The following DALRD3 variants were observed in gnomAD, a reference collection of about 807,000 sequenced individuals.
DALRD3 encodes the protein DALR anticodon-binding domain-containing protein 3.
In DALRD3, 47 loss-of-function variants were observed where a neutral mutation model predicts 56.7. The observed-to-expected ratio is 0.83, with a 90% CI of 0.66 to 1.06. The LOEUF (loss-of-function observed/expected upper bound fraction) is 1.06, where lower values mean the gene tolerates loss of function less well. DALRD3 is among the 50% of genes least tolerant of loss of function. The pLI, the probability that DALRD3 is intolerant of heterozygous loss-of-function variation, is 0.00. For synonymous variants in DALRD3, 347 were observed against 308.5 expected, an observed-to-expected ratio of 1.12 and a Z score of -1.31; for missense variants, 787 against 724.0, an observed-to-expected ratio of 1.09 and a Z score of -1.00.
rs916109621 is a variant in DALRD3, at chr3:49,018,394, G to A, written c.165+6C>T. 5.1e-6 allele frequency: 8 copies of A among 1,558,490 alleles called. No homozygotes were observed. The African/African-American group carries it at 5.5e-5, about 11-fold the overall frequency. ...GGCCGCACGGCCCCGCCCGGCTCAC[G>A]CCCACCTGGCCGTCATCGAAGCGCG... On this transcript the variant is annotated splice_donor_region_variant and intron_variant, in intron 1 of 11. Transcript: ENST00000341949.
rs1393235015 is a variant in DALRD3 at position 49,018,101 on chromosome 3, G to T, written c.383C>A (p.Ser128Tyr). The stretch of plus-strand genomic sequence containing the variant: ...CTGGCTCAAGCGGAGTGCGCAGGGG[G>T]AGCTGCGCAGTGCTGGGCAGTGTAG... ...VLLHCPALRS[S>Y]PCALRLSQLR... The change falls in exon 2 of 12, where the codon TCC becomes TAC. Residue 128 changes from serine to tyrosine, a missense_variant. Physicochemically the swap from Ser to Tyr is moderately radical, Grantham distance 144. Coordinates refer to ENST00000341949, the MANE Select transcript of DALRD3 (RefSeq NM_001009996.3). 2.0e-6 allele frequency: 3 copies of T among 1,485,078 alleles called. No individual in the cohort carries two copies. The highest frequency in any genetic ancestry group is 2.8e-5 in the South Asian group (2 of 72,344). The allele number at this position is 1,485,078 out of a possible 1,614,324, so 92.0% of individuals were successfully genotyped here.
chr3:49,016,904 T>C, intron 5 of DALRD3, 57 bp from the exon 6 acceptor site: 1 of 1,598,860 alleles, frequency 6.3e-7, no homozygotes, highest in Non-Finnish European at 8.6e-7. Flanking sequence ...AGGAAGTCCC[T>C]TGAGGAGCCC....
Position 49,017,816 on chromosome 3 carries a change from A to C in DALRD3, c.515T>G (p.Leu172Arg), listed in dbSNP as rs1275412978. The C allele has an allele frequency of 1.9e-6, 3 of 1,611,692 alleles. No homozygotes were observed. Among genetic ancestry groups the C allele is most frequent in the Admixed American group, 1.7e-5 (1 of 60,010 alleles). ...GGGCCAGTCCACCCGCAGTTGCTGC[A>C]GGAAGGTCAGCATGTGCGGATCCCG... is the stretch of plus-strand genomic sequence containing the variant. ...AVRDPHMLTF[L>R]QQLRVDWPAA... The change falls in exon 3 of 12, where the codon CTG (leucine) becomes CGG (arginine). Residue 172 changes from leucine (L) to arginine (R), a missense_variant. Physicochemically the swap from Leu to Arg is moderately radical, Grantham distance 102. Coordinates refer to ENST00000341949, the MANE Select transcript of DALRD3 (RefSeq NM_001009996.3).
chr3:49,019,641 G>A (rs928208814), upstream of DALRD3, among the ~76,000 whole-genome samples: 1 of 151,798 alleles, frequency 6.6e-6, no homozygotes, highest in Non-Finnish European at 1.5e-5. Context: ...CACCACGCCC[G>A]GCTACTTTTG....
chr3:49,017,884 C>T lies in DALRD3; in HGVS notation c.462-15G>A, dbSNP rs371270653. 1.9e-6 allele frequency: 3 copies of T among 1,580,430 alleles called. No homozygotes were observed. Among genetic ancestry groups the T allele is most frequent in the Non-Finnish European group, 2.6e-6 (3 of 1,171,272 alleles). On this transcript the variant is annotated splice_polypyrimidine_tract_variant and intron_variant, in intron 2 of 11. Transcript: ENST00000341949. ...GCACGCACACCCTGCGAAGGGAGGG[C>T]GGCCGCCTCAGTCTGAGCACCTGGT...
At chr3:49,016,968 G>A (rs2093087635) in intron 5 of DALRD3, 121 bp from the exon 6 acceptor site, 3 of 1,174,064 alleles carry the variant, frequency 2.6e-6, no homozygotes, top group African/African-American at 1.5e-5. Context: ...CTGCCAGGTT[G>A]AGTGCCTCCG....
At position 49,015,578 on chromosome 3, in the gene DALRD3, C is replaced by G; in HGVS notation, c.*10G>C. ...TGTGAACATTCCCAGGTATTGGAGC[C>G]TCTGTGGCCTTAAATGTGGCTCAGT... On this transcript the variant is annotated 3_prime_UTR_variant, in exon 12 of 12. Coordinates refer to ENST00000341949, the MANE Select transcript of DALRD3 (RefSeq NM_001009996.3). 6.2e-7 allele frequency: 1 copy of G among 1,613,988 alleles called. No individual in the cohort carries two copies. The highest frequency in any genetic ancestry group is 8.5e-7 in the Non-Finnish European group (1 of 1,179,946).
Position 49,015,671 on chromosome 3 carries a change from G to A in DALRD3, c.1549C>T (p.Arg517Cys), listed in dbSNP as rs140081609. 14 of 1,613,950 alleles carry A rather than the reference G, an allele frequency of 8.7e-6. No homozygotes were observed. Among genetic ancestry groups the A allele is most frequent in the Admixed American group, 5.0e-5 (3 of 59,990 alleles). Residue 517 changes from arginine to cysteine, a missense_variant, in exon 12 of 12, where the codon CGC becomes TGC. Transcript: ENST00000341949. ...CGCACAGCTCTCAGAAGCTGCAGGC[G>A]GACGAACATCTGACCAAAGAGGTGT... ...RPHLFGQMFV[R>C]LQLLRAVREV...
At chr3:49,018,912 T>G, upstream of DALRD3, 1 of 985,466 alleles carries the variant, frequency 1.0e-6, no homozygotes, top group Non-Finnish European at 1.2e-6. Flanking sequence ...TTTAATAACA[T>G]TTCATTTCTC....
chr3:49,019,479 CT>C (rs938684705), upstream of DALRD3, among the ~76,000 whole-genome samples: 368 of 134,570 alleles, frequency 2.7e-3, no homozygotes, highest in Non-Finnish European at 2.4e-3. Context: ...AATTACCAGA[CT>C]TTTTTTTTTT....
At chr3:49,016,124 C>A in intron 9 of DALRD3, 34 bp downstream of exon 9, 1 of 1,610,460 alleles carries the variant, frequency 6.2e-7, no homozygotes, top group Non-Finnish European at 8.5e-7. Context: ...GAAGTCCAGG[C>A]CTCCTTGTGC....
chr3:49,020,203 C>T (rs960897691), upstream of DALRD3: 8 of 534,592 alleles, frequency 1.5e-5, no homozygotes, highest in Admixed American at 3.9e-5. Flanking sequence ...GCCCACTCAA[C>T]GGGAGTGATC....
Position 49,016,349 on chromosome 3 carries a change from T to A in DALRD3, c.1147-9A>T, listed in dbSNP as rs765202331. 6.2e-7 allele frequency: 1 copy of A among 1,606,036 alleles called. No homozygotes were observed. Among genetic ancestry groups the A allele is most frequent in the Non-Finnish European group, 8.5e-7 (1 of 1,174,182 alleles). On this transcript the variant is annotated splice_polypyrimidine_tract_variant and intron_variant, in intron 8 of 11. Transcript: ENST00000341949. ...GCCAGAGCCAGGAAGAGCTGGGGAA[T>A]AGAAGCACAGCTGCAGAGAGAGAAG...
At position 49,016,609 on chromosome 3, in the gene DALRD3, C is replaced by T. The variant is rs202087735; in HGVS notation, c.1063+3G>A. Reference sequence around the variant, plus strand: ...GAACATAGCCAGGGTTTCCCAGGCACACCTTGTGCCAGATCCCCACCATGC... The same window carrying T: ...GAACATAGCCAGGGTTTCCCAGGCATACCTTGTGCCAGATCCCCACCATGC... On this transcript the variant is annotated splice_donor_region_variant and intron_variant, in intron 7 of 11. Coordinates refer to ENST00000341949, the MANE Select transcript of DALRD3 (RefSeq NM_001009996.3). The T allele has an allele frequency of 1.0e-4, 164 of 1,582,896 alleles. No individual in the cohort carries two copies. Among genetic ancestry groups the T allele is most frequent in the Middle Eastern group, 3.4e-4 (2 of 5,908 alleles).
chr3:49,018,837 C>A (rs956203059), upstream of DALRD3: 11 of 985,334 alleles, frequency 1.1e-5, no homozygotes, highest in African/African-American at 1.7e-4. Context: ...GGAAAAGGAT[C>A]CTCGCGACCC....
chr3:49,017,290 ACTC>A lies in DALRD3; in HGVS notation c.862_864del (p.Glu288del), dbSNP rs757351833. ...AGCAGGTCCAACTTCTGTTGCTGGA[ACTC>A]CTCCTCACAGCTAACAACATGTACA... On this transcript the variant is annotated inframe_deletion, in exon 5 of 12. Coordinates refer to ENST00000341949, the MANE Select transcript of DALRD3 (RefSeq NM_001009996.3). 11 of 1,613,966 alleles carry A rather than the reference ACTC, an allele frequency of 6.8e-6. No homozygotes were observed. The highest frequency in any genetic ancestry group is 9.3e-6 in the Non-Finnish European group (11 of 1,179,976).
In DALRD3 at chr3:49,016,693, A is replaced by G; in HGVS notation, c.1002-20T>C. ...CGGAACCTGTGTTTGGAAGAGAGGA[A>G]GGCCAGTGGGCAGGGTCCTGGGTAA... On this transcript the variant is annotated intron_variant, in intron 6 of 11. Transcript: ENST00000341949. 6.2e-7 allele frequency: 1 copy of G among 1,609,940 alleles called. No homozygotes were observed. The highest frequency in any genetic ancestry group is 8.5e-7 in the Non-Finnish European group (1 of 1,177,092).
At position 49,018,241 on chromosome 3, in the gene DALRD3, G is replaced by T. The variant is rs1427931132; in HGVS notation, c.243C>A (p.Thr81=). 1.0e-5 allele frequency: 15 copies of T among 1,437,780 alleles called. No individual in the cohort carries two copies. The South Asian group carries it at 2.1e-4, about 20-fold the overall frequency. The allele number at this position is 1,437,780 out of a possible 1,614,324, so 89.1% of individuals were successfully genotyped here. A position where few individuals can be genotyped will look rare whatever the true frequency, so the allele number is the denominator to read the frequency against. Residue 81 remains threonine, a synonymous_variant, in exon 2 of 12, where the codon ACC becomes ACA. Coordinates refer to ENST00000341949, the MANE Select transcript of DALRD3 (RefSeq NM_001009996.3). ...GVAPVLRCAP[T]PAGLSLQLQR... is the part of the protein sequence containing the mutation. ...GCAGTTGGAGAGACAGACCCGCGGG[G>T]GTCGGCGCGCAGCGCAGCACCGGGG...
chr3:49,019,899 T>C (rs983557260), upstream of DALRD3, among the ~76,000 whole-genome samples: 6 of 152,116 alleles, frequency 3.9e-5, no homozygotes, highest in Non-Finnish European at 8.8e-5. Flanking sequence ...TAATAGAAAA[T>C]AGGCCTCAGT....
Sources: allele counts gnomAD v4.1 joint callset (sites outside exome capture counted in the v4.1 genomes callset), GRCh38; gene constraint gnomAD v4.1.1; transcripts MANE v1.5; gene names NCBI Gene and HGNC (gene_info 2026-07-23, HGNC 2026-07-21).